The following GAB3 variants were observed in gnomAD, a reference collection of about 807,000 sequenced individuals.
The protein encoded by GAB3 is GRB2-associated-binding protein 3.
Under a neutral mutation model 40.4 loss-of-function variants are expected in GAB3, and 12 were observed. That is an observed-to-expected ratio of 0.30 (90% CI 0.19 to 0.48). GAB3 has a LOEUF of 0.48. Among genes scored for constraint, GAB3 ranks in the 20% least tolerant of loss-of-function variants. The pLI, the probability that GAB3 is intolerant of heterozygous loss-of-function variation, is 0.99. For missense variants in GAB3, 381 were observed against 461.9 expected, an observed-to-expected ratio of 0.82 and a Z score of 1.61; for synonymous variants, 154 against 176.7, an observed-to-expected ratio of 0.87 and a Z score of 1.02.
In GAB3 at chrX:154,677,238, T is replaced by A. The variant is rs190954071; in HGVS notation, c.*940A>T. The A allele has an allele frequency of 6.3e-5, 7 of 111,934 alleles. No homozygotes were observed. The East Asian group carries it at 1.7e-3, about 27-fold the overall frequency. The allele number at this position is 111,934 out of a possible 1,213,427, so 9.2% of individuals were successfully genotyped here. On this transcript the variant is annotated 3_prime_UTR_variant, in exon 10 of 10. Transcript: ENST00000424127. Reference sequence around the variant, plus strand: ...TCAAGTATCAAAACACCTGTTCAGATCCCTATTGAAAGGGAGACAGGATGA... The same window carrying A: ...TCAAGTATCAAAACACCTGTTCAGAACCCTATTGAAAGGGAGACAGGATGA...
intron 6 of GAB3, among the ~76,000 whole-genome samples, chrX:154,698,966 G>T (rs2070700834): frequency 1.8e-5 from 2 of 111,875 alleles, no homozygotes; most frequent in African/African-American, 6.5e-5. Flanking sequence ...TGCCAGGTGG[G>T]ATTCCATTCT....
upstream of GAB3, among the ~76,000 whole-genome samples, chrX:154,751,286 G>GGA (rs1773122952): frequency 1.1e-5 from 1 of 87,324 alleles, no homozygotes; most frequent in African/African-American, 4.9e-5. Flanking sequence ...GCTGTGCCCG[G>GGA]GGGGGGGGTG....
chrX:154,739,768 C>T (rs1378334996), intron 1 of GAB3, among the ~76,000 whole-genome samples: 1 of 111,735 alleles, frequency 8.9e-6, no homozygotes, highest in African/African-American at 3.3e-5. Flanking sequence ...ACTGCATTAC[C>T]TATTTGGTAG....
intron 6 of GAB3, among the ~76,000 whole-genome samples, chrX:154,697,804 T>C (rs1056600386): frequency 1.4e-4 from 16 of 112,400 alleles, no homozygotes; most frequent in African/African-American, 4.5e-4. Flanking sequence ...ACCTAAACTG[T>C]GCTCCAGGAG....
chrX:154,751,294 GT>G (rs1275968928), upstream of GAB3, among the ~76,000 whole-genome samples: 10,511 of 69,666 alleles, frequency 0.15, 1,427 homozygotes, highest in African/African-American at 0.43. Context: ...CGGGGGGGGG[GT>G]GTGGGGGGGG....
intron 8 of GAB3, among the ~76,000 whole-genome samples, chrX:154,695,559 C>T (rs1426797120): frequency 8.9e-6 from 1 of 112,095 alleles, no homozygotes; most frequent in African/African-American, 3.2e-5. Context: ...TGAGTTTTTA[C>T]AATTTGAACT....
At chrX:154,702,754 A>C (rs868992970) in intron 4 of GAB3, among the ~76,000 whole-genome samples, 4 of 112,580 alleles carry the variant, frequency 3.6e-5, no homozygotes, top group Non-Finnish European at 7.5e-5. Flanking sequence ...AGATGGAACA[A>C]AGATTTGAAT....
chrX:154,718,671 A>G (rs1448358211), intron 1 of GAB3, among the ~76,000 whole-genome samples: 1 of 111,300 alleles, frequency 9.0e-6, no homozygotes, highest in Non-Finnish European at 1.9e-5. Context: ...AAACAGGAAC[A>G]TAAGGCCTAG....
chrX:154,717,817 G>A (rs1557257946), intron 1 of GAB3, among the ~76,000 whole-genome samples: 1 of 112,071 alleles, frequency 8.9e-6, no homozygotes, highest in Non-Finnish European at 1.9e-5. Context: ...GGAAGGAAAT[G>A]TTTGAGTTCC....
At chrX:154,712,762 A>C in intron 3 of GAB3, 61 bp from the exon 4 acceptor site, 3 of 703,404 alleles carry the variant, frequency 4.3e-6, no homozygotes, top group Non-Finnish European at 6.1e-6. Flanking sequence ...CACAAAACCA[A>C]CGCTGGCCTC....
chrX:154,676,434 G>A lies in GAB3; in HGVS notation c.*1744C>T. 9.0e-6 allele frequency: 1 copy of A among 111,381 alleles called. No individual in the cohort carries two copies. The highest frequency in any genetic ancestry group is 1.9e-5 in the Non-Finnish European group (1 of 53,099). 9.2% of individuals were successfully genotyped at this position (111,381 alleles called of 1,213,427 possible). On this transcript the variant is annotated 3_prime_UTR_variant, in exon 10 of 10. Coordinates refer to ENST00000424127, the MANE Select transcript of GAB3 (RefSeq NM_001081573.3). The stretch of plus-strand genomic sequence containing the variant: ...GCAGCTCCTCACAGGCTCTGGCTGT[G>A]TGTGGTGATGCAGAGCTGGCTGTGG...
intron 4 of GAB3, among the ~76,000 whole-genome samples, chrX:154,709,612 CAG>C (rs1194467564): frequency 9.1e-6 from 1 of 110,316 alleles, no homozygotes. Context: ...CCACCGCACC[CAG>C]CCTCAAATAG....
At chrX:154,707,792 T>C (rs1421411893) in intron 4 of GAB3, among the ~76,000 whole-genome samples, 1 of 111,993 alleles carries the variant, frequency 8.9e-6, no homozygotes, top group Non-Finnish European at 1.9e-5. Context: ...TATAATTATA[T>C]GCAAAGAAAA....
At chrX:154,709,229 C>T (rs974115270) in intron 4 of GAB3, among the ~76,000 whole-genome samples, 1 of 111,074 alleles carries the variant, frequency 9.0e-6, no homozygotes, top group African/African-American at 3.3e-5. Context: ...TGAGGCCTCC[C>T]TAGCCATGCT....
At chrX:154,692,128 G>A (rs1425334127) in intron 8 of GAB3, among the ~76,000 whole-genome samples, 3 of 111,456 alleles carry the variant, frequency 2.7e-5, no homozygotes, top group East Asian at 2.8e-4. Context: ...TGGATATGAC[G>A]CCAAAAGCAA....
At chrX:154,723,436 T>C (rs934559874) in intron 1 of GAB3, among the ~76,000 whole-genome samples, 1 of 110,848 alleles carries the variant, frequency 9.0e-6, no homozygotes, top group African/African-American at 3.3e-5. Flanking sequence ...AAGAGATAAG[T>C]AGAGGGGTCT....
At chrX:154,687,978 T>A (rs1286223930) in intron 8 of GAB3, among the ~76,000 whole-genome samples, 2 of 112,098 alleles carry the variant, frequency 1.8e-5, no homozygotes, top group Admixed American at 1.9e-4. Flanking sequence ...ATGCAAAATG[T>A]CAGCTTCGAC....
chrX:154,745,472 G>A (rs1569558182), intron 1 of GAB3, among the ~76,000 whole-genome samples: 1 of 111,386 alleles, frequency 9.0e-6, no homozygotes, highest in Non-Finnish European at 1.9e-5. Context: ...ATCAAAAGGA[G>A]GAAAATAATA....
Position 154,680,933 on chromosome X carries a change from T to C in GAB3, c.1531-685A>G, listed in dbSNP as rs186734345. 2.7e-5 allele frequency among the ~76,000 whole-genome samples: 3 copies of C among 112,551 alleles called. No individual in the cohort carries two copies. In the Admixed American group the frequency reaches 2.8e-4, roughly 11 times the overall value. ...TCAATATTAGGTACTCCACATTCACTTGTGTCGAAGCATTAGCCCTATTTC... is the reference window on the plus strand; with the variant it reads ...TCAATATTAGGTACTCCACATTCACCTGTGTCGAAGCATTAGCCCTATTTC... On this transcript the variant is annotated intron_variant, in intron 8 of 9. Transcript: ENST00000424127.
Sources: allele counts gnomAD v4.1 joint callset (sites outside exome capture counted in the v4.1 genomes callset), GRCh38; gene constraint gnomAD v4.1.1; transcripts MANE v1.5; gene names NCBI Gene and HGNC (gene_info 2026-07-23, HGNC 2026-07-21).